The following GALNTL6 variants were observed in gnomAD, a reference collection of about 807,000 sequenced individuals.
GALNTL6 encodes the protein polypeptide N-acetylgalactosaminyltransferase like 6.
In GALNTL6, 46 loss-of-function variants were observed where a neutral mutation model predicts 73.7. The observed-to-expected ratio is 0.62, with a 90% CI of 0.49 to 0.80. The LOEUF is 0.80. Among genes scored for constraint, GALNTL6 ranks in the 30% least tolerant of loss-of-function variants. The pLI, the probability that GALNTL6 is intolerant of heterozygous loss-of-function variation, is 0.00. For missense variants in GALNTL6, 604 were observed against 755.0 expected (o/e 0.80, Z 2.34); for synonymous variants, 259 against 263.7 (o/e 0.98, Z 0.17).
rs527455876 is a variant in GALNTL6 at position 173,028,823 on chromosome 4, T to C, written c.1638+7198T>C. The stretch of plus-strand genomic sequence containing the variant: ...TCTTTAGTTGCTCTCTGGGGGTTCT[T>C]ATAATTTAACTTTCATAATAAAGGA... On this transcript the variant is annotated intron_variant, in intron 12 of 12. Transcript: ENST00000506823. Among the ~76,000 whole-genome samples the C allele has an allele frequency of 5.3e-4, 80 of 152,364 alleles. 1 individual carries two copies. In the South Asian group the frequency reaches 0.013, roughly 25 times the overall value.
At chr4:172,153,709 C>A (rs1044788985) in intron 2 of GALNTL6, among the ~76,000 whole-genome samples, 2 of 152,158 alleles carry the variant, frequency 1.3e-5, no homozygotes, top group Admixed American at 1.3e-4. Context: ...CAGGCTGATA[C>A]ATTTGTGAAT....
intron 5 of GALNTL6, among the ~76,000 whole-genome samples, chr4:172,455,141 A>G (rs1418985739): frequency 6.6e-6 from 1 of 152,204 alleles, no homozygotes; most frequent in Non-Finnish European, 1.5e-5. Context: ...AAGGGAAGCC[A>G]TGAGGGACTG....
Position 172,541,703 on chromosome 4 carries a change from C to T in GALNTL6, c.553+193014C>T, listed in dbSNP as rs981288686. Among the ~76,000 whole-genome samples the T allele has an allele frequency of 6.6e-5, 10 of 152,148 alleles. No individual in the cohort carries two copies. The East Asian group carries it at 1.2e-3, about 18-fold the overall frequency. ...CCTTGGGGTGGACTGTCCGCATGAG[C>T]GGTGGCCCTGCTAGGATTTGAGAGG... On this transcript the variant is annotated intron_variant, in intron 5 of 12. Transcript: ENST00000506823.
rs1731530014 is a variant in GALNTL6 at position 172,071,398 on chromosome 4, C to T, written c.139-158258C>T. On this transcript the variant is annotated intron_variant, in intron 2 of 12. Coordinates refer to ENST00000506823, the MANE Select transcript of GALNTL6 (RefSeq NM_001034845.3). ...TTTCTACACTGATGATAAATGTGTG[C>T]CATCGTTATTAAAACATTATCCTGT... Among the ~76,000 whole-genome samples, 2 of 109,996 alleles carry T rather than the reference C, an allele frequency of 1.8e-5. 1 individual carries two copies. The highest frequency in any genetic ancestry group is 1.9e-4 in the Admixed American group (2 of 10,602). The allele number at this position is 109,996 out of a possible 152,430, so 72.2% of individuals were successfully genotyped here. A position where few individuals can be genotyped will look rare whatever the true frequency, so the allele number is the denominator to read the frequency against.
chr4:172,436,807 G>T (rs576188313), intron 5 of GALNTL6, among the ~76,000 whole-genome samples: 1 of 152,066 alleles, frequency 6.6e-6, no homozygotes, highest in South Asian at 2.1e-4. Flanking sequence ...ATTTTCCTCA[G>T]GCTCCTCCTT....
At chr4:172,020,299 TAATAAAGATTACAGCAGA>T (rs1361976571) in intron 2 of GALNTL6, among the ~76,000 whole-genome samples, 3 of 146,480 alleles carry the variant, frequency 2.0e-5, no homozygotes, top group Non-Finnish European at 3.0e-5. Context: ...GTAGAAGAAA[TAATAAAGATTACAGCAGA>T]AATAAATAAA....
At chr4:172,177,791 ATATATATACACACACATATATGTGTGTG>A (rs774782372) in intron 2 of GALNTL6, among the ~76,000 whole-genome samples, 2,156 of 101,566 alleles carry the variant, frequency 0.021, 58 homozygotes, top group African/African-American at 0.063. Flanking sequence ...ACACATGTGT[ATATATATACACACACATATATGTGTGTG>A]TATATATACA....
At chr4:172,218,686 G>T (rs1736573552) in intron 2 of GALNTL6, among the ~76,000 whole-genome samples, 1 of 152,004 alleles carries the variant, frequency 6.6e-6, no homozygotes, top group African/African-American at 2.4e-5. Context: ...GTAAGGACAA[G>T]AAGACAATCT....
In GALNTL6 at chr4:172,069,387, A is replaced by G. The variant is rs1266770611; in HGVS notation, c.139-160269A>G. 2.0e-5 allele frequency among the ~76,000 whole-genome samples: 2 copies of G among 100,812 alleles called. 1 individual carries two copies. The highest frequency in any genetic ancestry group is 4.3e-5 in the Non-Finnish European group (2 of 46,950). 66.1% of individuals were successfully genotyped at this position (100,812 alleles called of 152,430 possible). ...GTAGTGTGTATATATATGTGTGTGT[A>G]CATATGTGTTATATATAACACATAT... On this transcript the variant is annotated intron_variant, in intron 2 of 12. Transcript: ENST00000506823.
intron 2 of GALNTL6, among the ~76,000 whole-genome samples, chr4:171,909,735 G>A (rs369083730): frequency 8.8e-4 from 134 of 152,244 alleles, no homozygotes; most frequent in African/African-American, 3.1e-3. Flanking sequence ...ATCTTAACAT[G>A]TAAGCATTTA....
chr4:172,885,986 G>A (rs1205684554), intron 8 of GALNTL6, among the ~76,000 whole-genome samples: 1 of 152,092 alleles, frequency 6.6e-6, no homozygotes, highest in African/African-American at 2.4e-5. Flanking sequence ...ATGTTTATGA[G>A]GAATGTTGGC....
intron 2 of GALNTL6, among the ~76,000 whole-genome samples, chr4:172,144,453 G>T (rs1402574530): frequency 1.3e-5 from 2 of 152,008 alleles, no homozygotes; most frequent in Non-Finnish European, 2.9e-5. Flanking sequence ...AATAAAAATT[G>T]TATCCAAAAA....
intron 2 of GALNTL6, among the ~76,000 whole-genome samples, chr4:171,896,705 C>T (rs970577098): frequency 6.6e-6 from 1 of 152,144 alleles, no homozygotes; most frequent in Non-Finnish European, 1.5e-5. Context: ...TAATCACCTC[C>T]CAAAGGCCCC....
chr4:172,158,415 T>TA (rs1327014069), intron 2 of GALNTL6, among the ~76,000 whole-genome samples: 149 of 149,250 alleles, frequency 1.0e-3, no homozygotes, highest in East Asian at 9.8e-4. Flanking sequence ...TTATTCTCAT[T>TA]AAAAAAAAAA....
chr4:172,616,052 C>G (rs760827136), intron 5 of GALNTL6, among the ~76,000 whole-genome samples: 14 of 152,142 alleles, frequency 9.2e-5, no homozygotes, highest in Non-Finnish European at 2.1e-4. Flanking sequence ...GAATATGGGT[C>G]AAACTTTAAA....
At chr4:172,118,042 A>C (rs1733033875) in intron 2 of GALNTL6, among the ~76,000 whole-genome samples, 1 of 152,102 alleles carries the variant, frequency 6.6e-6, no homozygotes, top group Non-Finnish European at 1.5e-5. Flanking sequence ...ACCTTTGTGC[A>C]TTAGAATATG....
At chr4:171,959,477 A>T (rs1158045980) in intron 2 of GALNTL6, among the ~76,000 whole-genome samples, 1 of 152,172 alleles carries the variant, frequency 6.6e-6, no homozygotes, top group Non-Finnish European at 1.5e-5. Context: ...GAGTTATACC[A>T]ATTTTAGTGA....
chr4:173,030,257 T>C (rs1391919492), intron 12 of GALNTL6, among the ~76,000 whole-genome samples: 1 of 152,238 alleles, frequency 6.6e-6, no homozygotes, highest in Non-Finnish European at 1.5e-5. Flanking sequence ...GGACTATACA[T>C]TCGCCCCAGC....
At chr4:172,149,854 G>C (rs907078627) in intron 2 of GALNTL6, among the ~76,000 whole-genome samples, 2 of 152,120 alleles carry the variant, frequency 1.3e-5, no homozygotes. Flanking sequence ...ACACCATTGA[G>C]ATTTAAAACA....
Sources: allele counts gnomAD v4.1 joint callset (sites outside exome capture counted in the v4.1 genomes callset), GRCh38; gene constraint gnomAD v4.1.1; transcripts MANE v1.5; gene names NCBI Gene and HGNC (gene_info 2026-07-23, HGNC 2026-07-21).